The following CADM2 variants were observed in gnomAD, a reference collection of about 807,000 sequenced individuals.
CADM2 encodes cell adhesion molecule 2.
Under a neutral mutation model 49.8 loss-of-function variants are expected in CADM2, and 12 were observed. The ratio of observed to expected loss-of-function variants is 0.24; its 90% CI spans 0.15 to 0.39. The LOEUF is 0.39. CADM2 is among the 10% of genes least tolerant of loss of function. The probability of loss-of-function intolerance (pLI) is 1.00; values close to 1 mark genes in which losing one functional copy is unlikely to be tolerated. For synonymous variants in CADM2, 214 were observed against 175.4 expected (o/e 1.22, Z -1.74); for missense variants, 378 against 492.3 (o/e 0.77, Z 2.20).
intron 1 of CADM2, among the ~76,000 whole-genome samples, chr3:85,033,086 G>A (rs1042644807): frequency 6.6e-6 from 1 of 151,936 alleles, no homozygotes; most frequent in Non-Finnish European, 1.5e-5. Context: ...TTTTGCTTTC[G>A]TTTTTAATTA....
intron 1 of CADM2, among the ~76,000 whole-genome samples, chr3:85,215,809 G>C (rs2041911770): frequency 6.6e-6 from 1 of 152,152 alleles, no homozygotes; most frequent in Middle Eastern, 3.4e-3. Flanking sequence ...ATGTGTGCTG[G>C]CTGAGTTCTG....
chr3:85,837,063 G>A (rs919192681), intron 3 of CADM2, among the ~76,000 whole-genome samples: 3 of 151,408 alleles, frequency 2.0e-5, no homozygotes, highest in Non-Finnish European at 4.4e-5. Context: ...TCAAATGGCA[G>A]CAGTTTTAAT....
chr3:85,074,302 T>G (rs907720463), intron 1 of CADM2, among the ~76,000 whole-genome samples: 10 of 152,070 alleles, frequency 6.6e-5, no homozygotes, highest in Non-Finnish European at 1.2e-4. Flanking sequence ...CTTCAAATCT[T>G]TGCTAAAATC....
chr3:85,540,553 C>T (rs899340110), intron 1 of CADM2, among the ~76,000 whole-genome samples: 38 of 152,250 alleles, frequency 2.5e-4, no homozygotes, highest in Middle Eastern at 3.4e-3. Flanking sequence ...ATTTACGGCA[C>T]GGTTTTCCTG....
chr3:85,401,843 A>G (rs147160040), intron 1 of CADM2, among the ~76,000 whole-genome samples: 6 of 152,134 alleles, frequency 3.9e-5, no homozygotes, highest in African/African-American at 1.4e-4. Context: ...TGTTTACTCA[A>G]ATTTCACACC....
intron 1 of CADM2, among the ~76,000 whole-genome samples, chr3:85,354,433 A>G (rs555786550): frequency 1.0e-3 from 151 of 151,582 alleles, no homozygotes; most frequent in East Asian, 3.5e-3. Context: ...CAGCACACCA[A>G]CATGGCACAT....
chr3:85,112,816 T>A (rs2038509487), intron 1 of CADM2, among the ~76,000 whole-genome samples: 1 of 151,790 alleles, frequency 6.6e-6, no homozygotes, highest in South Asian at 2.1e-4. Flanking sequence ...TTTGCAAAGA[T>A]ATTCTTCAAC....
intron 1 of CADM2, among the ~76,000 whole-genome samples, chr3:85,298,177 G>C (rs1186416162): frequency 6.6e-6 from 1 of 152,056 alleles, no homozygotes; most frequent in East Asian, 1.9e-4. Context: ...TTCAGCTGCA[G>C]GTTGACATTG....
chr3:85,345,451 A>G (rs1009547232), intron 1 of CADM2, among the ~76,000 whole-genome samples: 4 of 152,170 alleles, frequency 2.6e-5, no homozygotes, highest in Admixed American at 1.3e-4. Flanking sequence ...GGTAGAAAAA[A>G]TCAAAATCAT....
At chr3:85,845,274 G>A (rs1234564602) in intron 3 of CADM2, among the ~76,000 whole-genome samples, 1 of 151,976 alleles carries the variant, frequency 6.6e-6, no homozygotes, top group Non-Finnish European at 1.5e-5. Flanking sequence ...AGGACAGGCT[G>A]GTAGCCCGGG....
intron 2 of CADM2, among the ~76,000 whole-genome samples, chr3:85,774,316 T>C (rs2070250718): frequency 6.6e-6 from 1 of 151,874 alleles, no homozygotes; most frequent in Admixed American, 6.6e-5. Flanking sequence ...AGATATTTTA[T>C]GCAGTATTAT....
chr3:85,828,137 G>A (rs1353122341), intron 3 of CADM2: 2 of 151,956 alleles, frequency 1.3e-5, no homozygotes, highest in African/African-American at 4.8e-5. Context: ...ATTGAGGTTA[G>A]TAAACAATTA....
At chr3:85,098,697 A>G (rs1348450066) in intron 1 of CADM2, among the ~76,000 whole-genome samples, 2 of 152,174 alleles carry the variant, frequency 1.3e-5, no homozygotes, top group Non-Finnish European at 2.9e-5. Context: ...CGTATACCCA[A>G]ATATGTGCAT....
At chr3:85,014,715 C>T (rs1287314959) in intron 1 of CADM2, among the ~76,000 whole-genome samples, 1 of 152,158 alleles carries the variant, frequency 6.6e-6, no homozygotes, top group Non-Finnish European at 1.5e-5. Flanking sequence ...AGCTTCCAAG[C>T]TTGCATGGTT....
At chr3:85,748,586 A>G (rs1284042194) in intron 2 of CADM2, among the ~76,000 whole-genome samples, 2 of 152,086 alleles carry the variant, frequency 1.3e-5, no homozygotes, top group African/African-American at 4.8e-5. Context: ...TGTTAGTCAC[A>G]TCACGCATTT....
chr3:85,958,166 CATTT>C (rs768276460), intron 7 of CADM2, among the ~76,000 whole-genome samples: 52 of 152,002 alleles, frequency 3.4e-4, no homozygotes, highest in Middle Eastern at 3.4e-3. Context: ...CAAAAGGAGA[CATTT>C]ATGCAGCCAA....
At chr3:85,420,448 TG>T (rs1186113703) in intron 1 of CADM2, among the ~76,000 whole-genome samples, 1 of 152,140 alleles carries the variant, frequency 6.6e-6, no homozygotes, top group Non-Finnish European at 1.5e-5. Flanking sequence ...ATAGAGAACA[TG>T]GGGTGAAGTG....
rs545640982 is a variant in CADM2, at chr3:84,987,198, G to GC, written c.61+27531dup. Among the ~76,000 whole-genome samples, 111 of 152,148 alleles carry GC rather than the reference G, an allele frequency of 7.3e-4. 1 individual carries two copies. In the East Asian group the frequency reaches 0.014, roughly 20 times the overall value. ...TGTGTAGCCTGGCCCAGGCTGGAGT[G>GC]CAGTGGCGCGATCTCGGCTCACTGA... On this transcript the variant is annotated intron_variant, in intron 1 of 9. Coordinates refer to ENST00000383699, the MANE Select transcript of CADM2 (RefSeq NM_001167675.2).
At chr3:85,456,644 A>G (rs919571260) in intron 1 of CADM2, among the ~76,000 whole-genome samples, 5 of 152,058 alleles carry the variant, frequency 3.3e-5, no homozygotes, top group African/African-American at 1.2e-4. Context: ...TAATTACTCA[A>G]ATATAAATAA....
Sources: allele counts gnomAD v4.1 joint callset (sites outside exome capture counted in the v4.1 genomes callset), GRCh38; gene constraint gnomAD v4.1.1; transcripts MANE v1.5; gene names NCBI Gene and HGNC (gene_info 2026-07-23, HGNC 2026-07-21).